NAGPA: variants seen among roughly 807,000 people sequenced by gnomAD.
NAGPA encodes the protein N-acetylglucosamine-1-phosphodiester alpha-N-acetylglucosaminidase.
NAGPA carries 56 observed loss-of-function variants against 48.5 expected under a neutral mutation model. The ratio of observed to expected loss-of-function variants is 1.15; its 90% CI spans 0.93 to 1.44. NAGPA has a LOEUF of 1.44. Ranked by LOEUF, NAGPA falls within the 40% of genes most tolerant of loss-of-function variation. The pLI is 0.00. For synonymous variants in NAGPA, 399 were observed against 315.5 expected (o/e 1.26, Z -2.81); for missense variants, 888 against 735.0 (o/e 1.21, Z -2.41).
intron 3 of NAGPA, 166 bp downstream of exon 3, chr16:5,031,579 A>T: frequency 2.3e-6 from 2 of 876,742 alleles, no homozygotes; most frequent in Admixed American, 1.8e-5. Context: ...TTTGTCCTAT[A>T]TATTCAATAT....
At position 5,033,769 on chromosome 16, in the gene NAGPA, G is replaced by T; in HGVS notation, c.87-41C>A. 6.3e-7 allele frequency: 1 copy of T among 1,586,388 alleles called. No individual in the cohort carries two copies. The highest frequency in any genetic ancestry group is 1.1e-5 in the South Asian group (1 of 87,780). On this transcript the variant is annotated intron_variant, in intron 1 of 9. Coordinates refer to ENST00000312251, the MANE Select transcript of NAGPA (RefSeq NM_016256.4). This position sits in a 1 kb window ranked among gnomAD's most constrained non-coding sequence, Gnocchi z 4.2. ...GCCGTGAGCTCAGGGGGCTGTCCTC[G>T]TGAGCTCGGAGGACAGGGGGGACCC...
chr16:5,033,303 C>T lies in NAGPA; in HGVS notation c.512G>A (p.Gly171Glu), dbSNP rs754698931. The T allele has an allele frequency of 6.3e-6, 10 of 1,596,816 alleles. No homozygotes were observed. The Admixed American group carries it at 1.7e-4, about 27-fold the overall frequency. The change falls in exon 2 of 10, where the codon GGG becomes GAG. Residue 171 changes from glycine (G) to glutamate (E), a missense_variant. Gly to Glu is a moderately conservative substitution (Grantham distance 98). Transcript: ENST00000312251. The surrounding 1 kb of genome is among the most constrained non-coding windows in gnomAD (Gnocchi z 4.2). ...SSGGLQNAQF[G>E]IRRDGTLVTG... is the part of the protein sequence containing the mutation. ...GACCAGGGTCCCGTCGCGGCGGATCCCGAACTGCGCGTTCTGCAGCCCCCC... is the reference window on the plus strand; with the variant it reads ...GACCAGGGTCCCGTCGCGGCGGATCTCGAACTGCGCGTTCTGCAGCCCCCC...
rs752800506 is a variant in NAGPA, at chr16:5,025,195, C to T, written c.*283G>A. 3.6e-4 allele frequency: 177 copies of T among 496,008 alleles called. 1 individual carries two copies. The highest frequency in any genetic ancestry group is 5.5e-4 in the Non-Finnish European group (150 of 271,356). 30.7% of individuals were successfully genotyped at this position (496,008 alleles called of 1,614,324 possible). On this transcript the variant is annotated 3_prime_UTR_variant, in exon 10 of 10. Transcript: ENST00000312251. ...GGAGGAGGGAGACTCTTTGGCAGTGCGGCAGCCCTCCCGGGGGCACGGGCT... is the reference window on the plus strand; with the variant it reads ...GGAGGAGGGAGACTCTTTGGCAGTGTGGCAGCCCTCCCGGGGGCACGGGCT...
At position 5,028,116 on chromosome 16, in the gene NAGPA, C is replaced by T. The variant is rs1361605419; in HGVS notation, c.990G>A (p.Gln330=). 1 of 1,608,518 alleles carries T rather than the reference C, an allele frequency of 6.2e-7. No individual in the cohort carries two copies. Among genetic ancestry groups the T allele is most frequent in the Non-Finnish European group, 8.5e-7 (1 of 1,177,704 alleles). ...TVVCVHEPRC[Q]PPDCHGHGTC... The stretch of plus-strand genomic sequence containing the variant: ...TCCCGTGGCCGTGGCAGTCAGGCGG[C>T]TGGCAGCGGGGTTCGTGCACACACA... The change falls in exon 6 of 10, where the codon CAG becomes CAA. Residue 330 remains glutamine (Q), a synonymous_variant. Transcript: ENST00000312251.
intron 4 of NAGPA, 58 bp downstream of exon 4, chr16:5,030,327 A>T: frequency 6.8e-7 from 1 of 1,472,174 alleles, no homozygotes; most frequent in East Asian, 2.5e-5. Flanking sequence ...TCATTGGGTC[A>T]ACGTTCCTCC....
In NAGPA at chr16:5,025,205, C is replaced by G. The variant is rs1269601187; in HGVS notation, c.*273G>C. On this transcript the variant is annotated 3_prime_UTR_variant, in exon 10 of 10. Coordinates refer to ENST00000312251, the MANE Select transcript of NAGPA (RefSeq NM_016256.4). ...GACTCTTTGGCAGTGCGGCAGCCCT[C>G]CCGGGGGCACGGGCTTCTCGGCAGC... The G allele has an allele frequency of 3.8e-6, 2 of 524,802 alleles. No homozygotes were observed. The highest frequency in any genetic ancestry group is 6.9e-6 in the Non-Finnish European group (2 of 289,586). 32.5% of individuals were successfully genotyped at this position (524,802 alleles called of 1,614,324 possible).
At chr16:5,031,946 C>T (rs757477045) in intron 2 of NAGPA, 62 bp from the exon 3 acceptor site, 1 of 1,610,564 alleles carries the variant, frequency 6.2e-7, no homozygotes, top group Non-Finnish European at 8.5e-7. Context: ...TAGTCAGGCT[C>T]TTTCTCCCTA....
At chr16:5,032,225 G>T (rs539602157) in intron 2 of NAGPA, among the ~76,000 whole-genome samples, 2 of 152,058 alleles carry the variant, frequency 1.3e-5, no homozygotes, top group African/African-American at 2.4e-5. Flanking sequence ...TCCCTGTTAC[G>T]GCCCTTCATT....
At position 5,033,570 on chromosome 16, in the gene NAGPA, A is replaced by C. The variant is rs753282950; in HGVS notation, c.245T>G (p.Val82Gly). Residue 82 changes from valine to glycine, a missense_variant, in exon 2 of 10, where the codon GTG becomes GGG. Val to Gly is a moderately radical substitution (Grantham distance 109). Coordinates refer to ENST00000312251, the MANE Select transcript of NAGPA (RefSeq NM_016256.4). The surrounding 1 kb of genome is among the most constrained non-coding windows in gnomAD (Gnocchi z 4.2). ...GAGGLAVRTF[V>G]SHFRDRAVAG... ...CACCGCGCGGTCCCTGAAGTGCGAC[A>C]CGAAGGTGCGCACGGCCAGACCGCC... 2.7e-6 allele frequency: 4 copies of C among 1,501,132 alleles called. No individual in the cohort carries two copies. The highest frequency in any genetic ancestry group is 3.5e-6 in the Non-Finnish European group (4 of 1,134,654). The allele number at this position is 1,501,132 out of a possible 1,614,324, so 93.0% of individuals were successfully genotyped here. A position where few individuals can be genotyped will look rare whatever the true frequency, so the allele number is the denominator to read the frequency against.
chr16:5,032,300 C>T (rs1956114757), intron 2 of NAGPA, among the ~76,000 whole-genome samples: 1 of 152,118 alleles, frequency 6.6e-6, no homozygotes, highest in Admixed American at 6.5e-5. Context: ...CAAGCTTTAT[C>T]ATCAACAAAT....
intron 9 of NAGPA, among the ~76,000 whole-genome samples, chr16:5,026,301 T>G (rs959236660): frequency 6.0e-5 from 9 of 149,598 alleles, no homozygotes; most frequent in African/African-American, 2.2e-4. Flanking sequence ...ATCCCAGCAC[T>G]TTGTGAGGCT....
chr16:5,027,512 C>A (rs961161887), intron 7 of NAGPA, 133 bp from the exon 8 acceptor site: 18 of 930,558 alleles, frequency 1.9e-5, no homozygotes, highest in African/African-American at 3.3e-5. Flanking sequence ...TGAAGCACCC[C>A]CTGCCCTCCC....
chr16:5,025,156 C>T lies in NAGPA; in HGVS notation c.*322G>A. The T allele has an allele frequency of 2.4e-6, 1 of 418,778 alleles. No homozygotes were observed. The highest frequency in any genetic ancestry group is 4.9e-5 in the East Asian group (1 of 20,596). The allele number at this position is 418,778 out of a possible 1,614,324, so 25.9% of individuals were successfully genotyped here. A position where few individuals can be genotyped will look rare whatever the true frequency, so the allele number is the denominator to read the frequency against. On this transcript the variant is annotated 3_prime_UTR_variant, in exon 10 of 10. Transcript: ENST00000312251. ...GTGGTCACTGAGTCTGGTTCGTTGG[C>T]AGCCCCTTCCCCAGGAGGAGGGAGA...
At chr16:5,030,528 T>C in intron 3 of NAGPA, 35 bp from the exon 4 acceptor site, 7 of 1,505,464 alleles carry the variant, frequency 4.6e-6, no homozygotes, top group African/African-American at 1.4e-5. Context: ...TCACCGCCCC[T>C]TGGGAGGCCT....
intron 7 of NAGPA, among the ~76,000 whole-genome samples, 186 bp from the exon 8 acceptor site, chr16:5,027,565 C>T (rs1244909042): frequency 1.3e-5 from 2 of 152,206 alleles, no homozygotes; most frequent in Admixed American, 6.5e-5. Context: ...AGCAGAATCT[C>T]TACAGAGGCA....
chr16:5,024,860 C>T lies in NAGPA; in HGVS notation c.*618G>A, dbSNP rs1439303253. On this transcript the variant is annotated 3_prime_UTR_variant, in exon 10 of 10. Coordinates refer to ENST00000312251, the MANE Select transcript of NAGPA (RefSeq NM_016256.4). The stretch of plus-strand genomic sequence containing the variant: ...AGTCCATGATTCAGAATCCACACAC[C>T]ACCTGGTGGCTCCTTTTATTATATC... 2.6e-5 allele frequency: 4 copies of T among 156,584 alleles called. No homozygotes were observed. The highest frequency in any genetic ancestry group is 1.8e-4 in the Admixed American group (3 of 16,288). The allele number at this position is 156,584 out of a possible 1,614,324, so 9.7% of individuals were successfully genotyped here.
chr16:5,029,262 G>A, intron 4 of NAGPA: 1 of 534,382 alleles, frequency 1.9e-6, no homozygotes, highest in African/African-American at 2.0e-5. Flanking sequence ...TGCAGCCACT[G>A]GAATCACAGG....
chr16:5,029,119 A>G, intron 4 of NAGPA, 111 bp from the exon 5 acceptor site: 1 of 1,556,824 alleles, frequency 6.4e-7, no homozygotes, highest in East Asian at 2.3e-5. Flanking sequence ...GCACATTTCT[A>G]AGTGGCCCCC....
At position 5,027,969 on chromosome 16, in the gene NAGPA, C is replaced by G. The variant is rs772684653; in HGVS notation, c.1126+11G>C. On this transcript the variant is annotated intron_variant, in intron 6 of 9. Transcript: ENST00000312251. Reference sequence around the variant, plus strand: ...GCTGGGCAGAGCCCCCTCCCCAGAACCCCCACTCACTCTCCGTGCACAGTC... The same window carrying G: ...GCTGGGCAGAGCCCCCTCCCCAGAAGCCCCACTCACTCTCCGTGCACAGTC... 1.3e-5 allele frequency: 21 copies of G among 1,612,180 alleles called. No homozygotes were observed. The highest frequency in any genetic ancestry group is 1.7e-5 in the Non-Finnish European group (20 of 1,179,438).
Sources: gnomAD v4.1 joint callset for allele counts (sites outside exome capture counted in the v4.1 genomes callset) on GRCh38, gnomAD v4.1.1 for gene constraint, Gnocchi (gnomAD v3.1) non-coding constraint, MANE v1.5 for transcripts, NCBI Gene and HGNC (gene_info 2026-07-23, HGNC 2026-07-21) for gene names.